Variants in PTPRD observed in about 807,000 individuals in gnomAD.
PTPRD encodes receptor-type tyrosine-protein phosphatase delta.
Under a neutral mutation model 214.5 loss-of-function variants are expected in PTPRD, and 34 were observed. The ratio of observed to expected loss-of-function variants is 0.16; its 90% CI spans 0.12 to 0.21. The LOEUF is 0.21. PTPRD is among the 10% of genes least tolerant of loss of function. The pLI, the probability that PTPRD is intolerant of heterozygous loss-of-function variation, is 1.00. For missense variants in PTPRD, 2,545 were observed against 2,398.7 expected (o/e 1.06, Z -1.27); for synonymous variants, 1,128 against 845.7 (o/e 1.33, Z -5.79).
chr9:9,678,035 G>A (rs1271260244), intron 7 of PTPRD, among the ~76,000 whole-genome samples: 2 of 152,058 alleles, frequency 1.3e-5, no homozygotes, highest in African/African-American at 4.8e-5. Flanking sequence ...CCTCTTCAAG[G>A]AGAACTACAA....
In PTPRD at chr9:10,018,705, G is replaced by C. The variant is rs528220932; in HGVS notation, c.-472+15013C>G. Reference sequence around the variant, plus strand: ...TGGGACTACAGGCGCCCGCCACTACGCCCGGCTAATTTTTTTTGTATTTTT... The same window carrying C: ...TGGGACTACAGGCGCCCGCCACTACCCCCGGCTAATTTTTTTTGTATTTTT... On this transcript the variant is annotated intron_variant, in intron 4 of 45. Coordinates refer to ENST00000381196, the MANE Select transcript of PTPRD (RefSeq NM_002839.4). 5.3e-5 allele frequency among the ~76,000 whole-genome samples: 8 copies of C among 149,754 alleles called. No individual in the cohort carries two copies. In the East Asian group the frequency reaches 1.6e-3, roughly 30 times the overall value.
chr9:10,456,501 T>C (rs574099494), intron 2 of PTPRD, among the ~76,000 whole-genome samples: 11 of 152,024 alleles, frequency 7.2e-5, no homozygotes, highest in African/African-American at 2.6e-4. Flanking sequence ...AGGACTATAG[T>C]TTAAGAAAAT....
At chr9:8,406,549 T>G (rs915978975) in intron 35 of PTPRD, among the ~76,000 whole-genome samples, 1 of 152,204 alleles carries the variant, frequency 6.6e-6, no homozygotes, top group Non-Finnish European at 1.5e-5. Context: ...AAATTCTAAA[T>G]TCCTACCTAT....
rs903492872 is a variant in PTPRD, at chr9:8,606,222, T to C, written c.352+27095A>G. ...GGAGGGAAAAGTGTCCAAATAACTG[T>C]CTTTACATGCATTCACAAACACACA... On this transcript the variant is annotated intron_variant, in intron 14 of 45. Transcript: ENST00000381196. Among the ~76,000 whole-genome samples, 4 of 152,046 alleles carry C rather than the reference T, an allele frequency of 2.6e-5. No individual in the cohort carries two copies. The South Asian group carries it at 8.3e-4, about 32-fold the overall frequency.
At chr9:8,594,287 C>T (rs370207509) in intron 14 of PTPRD, among the ~76,000 whole-genome samples, 2 of 152,226 alleles carry the variant, frequency 1.3e-5, no homozygotes, top group African/African-American at 2.4e-5. Flanking sequence ...AAACATAAAT[C>T]CTAATTATCT....
At chr9:8,535,734 C>G (rs543353914) in intron 14 of PTPRD, among the ~76,000 whole-genome samples, 1 of 151,858 alleles carries the variant, frequency 6.6e-6, no homozygotes, top group Admixed American at 6.6e-5. Flanking sequence ...TTTTTCATCT[C>G]AAAAGTTTCT....
chr9:8,379,844 C>T (rs2084418900), intron 37 of PTPRD, among the ~76,000 whole-genome samples: 1 of 152,048 alleles, frequency 6.6e-6, no homozygotes, highest in African/African-American at 2.4e-5. Context: ...GCCTCTAGGA[C>T]TGATTCATGG....
At chr9:8,950,645 T>A (rs2099096533) in intron 11 of PTPRD, among the ~76,000 whole-genome samples, 1 of 152,136 alleles carries the variant, frequency 6.6e-6, no homozygotes, top group African/African-American at 2.4e-5. Flanking sequence ...GTATCCATTT[T>A]TTCCAATAGA....
intron 10 of PTPRD, among the ~76,000 whole-genome samples, chr9:9,178,640 T>C (rs2099926348): frequency 6.6e-6 from 1 of 152,120 alleles, no homozygotes; most frequent in Non-Finnish European, 1.5e-5. Context: ...CTATAGGCTT[T>C]TAGAGCTGAA....
chr9:9,670,693 T>C (rs989547904), intron 7 of PTPRD, among the ~76,000 whole-genome samples: 5 of 152,262 alleles, frequency 3.3e-5, no homozygotes, highest in African/African-American at 7.2e-5. Flanking sequence ...GTGGCCAACA[T>C]AGAGCTCAGG....
At chr9:10,450,250 A>AATT (rs1284928353) in intron 2 of PTPRD, among the ~76,000 whole-genome samples, 2 of 151,248 alleles carry the variant, frequency 1.3e-5, no homozygotes, top group African/African-American at 4.9e-5. Context: ...ATACTAAAAA[A>AATT]AATAAATAAA....
At chr9:9,322,802 G>T (rs1411939828) in intron 9 of PTPRD, among the ~76,000 whole-genome samples, 2 of 152,126 alleles carry the variant, frequency 1.3e-5, no homozygotes, top group East Asian at 3.9e-4. Context: ...AATTTGAACA[G>T]GTACTACTAT....
chr9:10,234,530 C>G (rs2099622730), intron 3 of PTPRD, among the ~76,000 whole-genome samples: 1 of 151,696 alleles, frequency 6.6e-6, no homozygotes, highest in South Asian at 2.1e-4. Context: ...ATGGAATTAT[C>G]AAAGCAGTAA....
chr9:9,134,408 T>C (rs1008528886), intron 10 of PTPRD, among the ~76,000 whole-genome samples: 2 of 152,178 alleles, frequency 1.3e-5, no homozygotes, highest in Admixed American at 6.5e-5. Context: ...TATTCCCATC[T>C]GTTAATCTAT....
At chr9:8,544,856 G>T in intron 14 of PTPRD, among the ~76,000 whole-genome samples, 1 of 144,744 alleles carries the variant, frequency 6.9e-6, no homozygotes. Context: ...TTAATCCTTT[G>T]ACAATAACAG....
At chr9:9,766,499 A>C (rs908838893) in intron 6 of PTPRD, among the ~76,000 whole-genome samples, 2 of 152,218 alleles carry the variant, frequency 1.3e-5, no homozygotes, top group African/African-American at 4.8e-5. Context: ...CTTCAGAGTC[A>C]TTAAAGACAT....
At chr9:8,768,939 T>C (rs1037381531) in intron 11 of PTPRD, among the ~76,000 whole-genome samples, 1 of 152,186 alleles carries the variant, frequency 6.6e-6, no homozygotes, top group Non-Finnish European at 1.5e-5. Context: ...CTTACCATGT[T>C]ATAGCACTAT....
intron 2 of PTPRD, among the ~76,000 whole-genome samples, chr9:10,456,613 C>T (rs2098919458): frequency 6.6e-6 from 1 of 151,802 alleles, no homozygotes. Context: ...CAAATTCTGG[C>T]AAAACAGTAA....
chr9:8,728,193 T>A (rs1424651793), intron 12 of PTPRD, among the ~76,000 whole-genome samples: 1 of 152,168 alleles, frequency 6.6e-6, no homozygotes, highest in Non-Finnish European at 1.5e-5. Context: ...GAGGTTGCGA[T>A]GAGCCAAGAT....
Sources: allele counts gnomAD v4.1 joint callset (sites outside exome capture counted in the v4.1 genomes callset), GRCh38; gene constraint gnomAD v4.1.1; transcripts MANE v1.5; gene names NCBI Gene and HGNC (gene_info 2026-07-23, HGNC 2026-07-21).